Variants in LMAN1L observed in about 807,000 individuals in gnomAD.
LMAN1L encodes protein ERGIC-53-like.
In LMAN1L, 60 loss-of-function variants were observed where a neutral mutation model predicts 58.3. The ratio of observed to expected loss-of-function variants is 1.03; its 90% CI spans 0.84 to 1.27. The LOEUF is 1.27. LMAN1L is among the 50% of genes most tolerant of loss of function. The probability of loss-of-function intolerance (pLI) is 0.00; values close to 1 mark genes in which losing one functional copy is unlikely to be tolerated. For synonymous variants in LMAN1L, 280 were observed against 271.6 expected, an observed-to-expected ratio of 1.03 and a Z score of -0.31; for missense variants, 629 against 674.0, an observed-to-expected ratio of 0.93 and a Z score of 0.74.
rs1392076132 is a variant in LMAN1L at position 74,823,650 on chromosome 15, G to T, written c.1291G>T (p.Gly431Cys). ...TTTCTTAGAGCTGGACCACATCCTG[G>T]GCCTCCTGCAGGAGGAGCTTCGGGG... ...HHFLELDHIL[G>C]LLQEELRGPA... Residue 431 changes from glycine to cysteine, a missense_variant, in exon 12 of 14, where the codon GGC becomes TGC. This residue lies in a region of LMAN1L where 573 missense variants were observed against 597.3 expected (regional missense o/e 0.96). Transcript: ENST00000309664. 2 of 1,613,642 alleles carry T rather than the reference G, an allele frequency of 1.2e-6. No individual in the cohort carries two copies. Among genetic ancestry groups the T allele is most frequent in the Non-Finnish European group, 8.5e-7 (1 of 1,179,844 alleles).
At chr15:74,813,075 G>A in intron 1 of LMAN1L, 46 bp downstream of exon 1, 1 of 1,565,642 alleles carries the variant, frequency 6.4e-7, no homozygotes, top group Non-Finnish European at 8.7e-7. Context: ...GTCCCTCAAA[G>A]TGCTGGAGGG....
chr15:74,823,485 G>A (rs2063926410), intron 11 of LMAN1L, 74 bp from the exon 12 acceptor site: 17 of 1,554,614 alleles, frequency 1.1e-5, no homozygotes, highest in Non-Finnish European at 1.3e-5. Flanking sequence ...TGGGGAGATG[G>A]GAAATGATTA....
rs766582098 is a variant in LMAN1L at position 74,816,501 on chromosome 15, G to A, written c.405G>A (p.Gly135=). 1 of 1,551,588 alleles carries A rather than the reference G, an allele frequency of 6.4e-7. No individual in the cohort carries two copies. The highest frequency in any genetic ancestry group is 8.7e-7 in the Non-Finnish European group (1 of 1,144,854). The part of the protein sequence containing the change: ...LGGLASWDGI[G]IFFDSPAEDT... ...GGCTGGCTTCGTGGGACGGCATCGG[G>A]ATCTTCTTTGACTCTCCGGCAGAGG... The change falls in exon 3 of 14, where the codon GGG becomes GGA. Residue 135 remains glycine, a synonymous_variant. Coordinates refer to ENST00000309664, the MANE Select transcript of LMAN1L (RefSeq NM_021819.3).
At chr15:74,821,020 G>A in intron 8 of LMAN1L, 55 bp from the exon 9 acceptor site, 1 of 1,503,102 alleles carries the variant, frequency 6.7e-7, no homozygotes, top group Non-Finnish European at 8.9e-7. Context: ...GATAAGATAG[G>A]CTGTGTTACC....
rs763983603 is a variant in LMAN1L, at chr15:74,816,169, G to A, written c.188G>A (p.Gly63Asp). 5.8e-6 allele frequency: 9 copies of A among 1,550,420 alleles called. No homozygotes were observed. In the South Asian group the frequency reaches 9.5e-5, roughly 16 times the overall value. The change falls in exon 2 of 14, where the codon GGC becomes GAC. Residue 63 changes from glycine to aspartate, a missense_variant. Gly to Asp is a moderately conservative substitution (Grantham distance 94). Around this residue, in one of 3 missense-constraint regions of LMAN1L, gnomAD observed 573 missense variants for 597.3 expected, o/e 0.96. Transcript: ENST00000309664. ...FWSHHGDAIL[G>D]LEEVRLTPSM... is the part of the protein sequence containing the mutation. ...CCCTTGTCCACAGACGCCATCCTGGGCCTGGAGGAAGTGCGGCTGACGCCA... is the reference window on the plus strand; with the variant it reads ...CCCTTGTCCACAGACGCCATCCTGGACCTGGAGGAAGTGCGGCTGACGCCA...
At position 74,820,784 on chromosome 15, in the gene LMAN1L, C is replaced by A; in HGVS notation, c.907+17C>A. On this transcript the variant is annotated intron_variant, in intron 8 of 13. Transcript: ENST00000309664. ...AAGGAGAAGGTAGGGACCGAGAGAG[C>A]GGGCAGGTGGCGCCCATCTGAGTGT... 6.2e-7 allele frequency: 1 copy of A among 1,602,224 alleles called. No homozygotes were observed. The highest frequency in any genetic ancestry group is 8.5e-7 in the Non-Finnish European group (1 of 1,173,750).
At chr15:74,824,225 TG>T in intron 12 of LMAN1L, 125 bp from the exon 13 acceptor site, 1 of 879,306 alleles carries the variant, frequency 1.1e-6, no homozygotes, top group Non-Finnish European at 1.8e-6. Flanking sequence ...CCAAGTTCCC[TG>T]GATGAGAGCC....
rs779837492 is a variant in LMAN1L, at chr15:74,818,866, T to TA, written c.597+50dup. 14 of 1,489,220 alleles carry TA rather than the reference T, an allele frequency of 9.4e-6. No individual in the cohort carries two copies. In the South Asian group the frequency reaches 1.7e-4, roughly 18 times the overall value. 92.3% of individuals were successfully genotyped at this position (1,489,220 alleles called of 1,614,324 possible). A position where few individuals can be genotyped will look rare whatever the true frequency, so the allele number is the denominator to read the frequency against. ...ACAGGGCTCTGAGTTACAGAGCTGC[T>TA]ATGTGTGCGTGCCCACGGCCCCAAC... On this transcript the variant is annotated intron_variant, in intron 5 of 13. Coordinates refer to ENST00000309664, the MANE Select transcript of LMAN1L (RefSeq NM_021819.3).
At chr15:74,816,047 C>A in intron 1 of LMAN1L, 110 bp from the exon 2 acceptor site, 3 of 1,323,492 alleles carry the variant, frequency 2.3e-6, no homozygotes, top group Non-Finnish European at 3.1e-6. Flanking sequence ...TAATGGTAGG[C>A]CTTGGCATTG....
chr15:74,813,071 C>T, intron 1 of LMAN1L, 42 bp downstream of exon 1: 2 of 1,578,180 alleles, frequency 1.3e-6, no homozygotes, highest in Non-Finnish European at 1.7e-6. Flanking sequence ...CAGGGTCCCT[C>T]AAAGTGCTGG....
intron 4 of LMAN1L, among the ~76,000 whole-genome samples, chr15:74,817,939 G>A (rs1204611131): frequency 6.6e-6 from 1 of 151,732 alleles, no homozygotes; most frequent in Non-Finnish European, 1.5e-5. Flanking sequence ...CTTGAACCCA[G>A]GAGGCAAAGG....
At position 74,824,369 on chromosome 15, in the gene LMAN1L, C is replaced by T. The variant is rs1940996683; in HGVS notation, c.1342C>T (p.Pro448Ser). Residue 448 changes from proline to serine, a missense_variant, in exon 13 of 14, where the codon CCC becomes TCC. Coordinates refer to ENST00000309664, the MANE Select transcript of LMAN1L (RefSeq NM_021819.3). ...CTTTCAGAAGGCAGCAGCCAAGGCC[C>T]CCCGCCCACCTGGCCAGCCCCCAAG... ...RGPAKAAAKA[P>S]RPPGQPPRAS... The T allele has an allele frequency of 1.9e-6, 3 of 1,613,972 alleles. No homozygotes were observed. Among genetic ancestry groups the T allele is most frequent in the Non-Finnish European group, 2.5e-6 (3 of 1,179,908 alleles).
Position 74,821,849 on chromosome 15 carries a change from G to C in LMAN1L, c.1080G>C (p.Gln360His). The C allele has an allele frequency of 6.2e-7, 1 of 1,613,190 alleles. No individual in the cohort carries two copies. The highest frequency in any genetic ancestry group is 1.3e-5 in the African/African-American group (1 of 75,006). ...DGGWALDASC[Q>H]IPSTPGRGGH... ...CCCAGGCCCTGGATGCTTCCTGCCA[G>C]ATTCCATCCACCCCAGGGAGGGGTG... Residue 360 changes from glutamine to histidine, a missense_variant, in exon 10 of 14, where the codon CAG (glutamine) becomes CAC (histidine). Transcript: ENST00000309664.
intron 7 of LMAN1L, 97 bp from the exon 8 acceptor site, chr15:74,820,538 A>G: frequency 6.6e-7 from 1 of 1,511,958 alleles, no homozygotes; most frequent in Admixed American, 1.7e-5. Flanking sequence ...CTGGCCAGGG[A>G]GGAAGGCTGG....
At position 74,825,543 on chromosome 15, in the gene LMAN1L, C is replaced by T. The variant is rs1230910114; in HGVS notation, c.1519C>T (p.His507Tyr). The T allele has an allele frequency of 6.2e-7, 1 of 1,613,610 alleles. No homozygotes were observed. Among genetic ancestry groups the T allele is most frequent in the African/African-American group, 1.3e-5 (1 of 74,892 alleles). ...TGSLPLGPAP[H>Y]TPRALGILRR... ...CAGCCTTCCTCTGGGTCCTGCACCA[C>T]ACACCCCCAGGGCCCTGGGGATTCT... Residue 507 changes from histidine to tyrosine, a missense_variant, in exon 14 of 14, where the codon CAC becomes TAC. Transcript: ENST00000309664.
chr15:74,825,606 C>G lies in LMAN1L; in HGVS notation c.*1C>G, dbSNP rs762214360. On this transcript the variant is annotated 3_prime_UTR_variant, in exon 14 of 14. Coordinates refer to ENST00000309664, the MANE Select transcript of LMAN1L (RefSeq NM_021819.3). ...TCTCCCTGCCAGCATGCCTGCCTGACCCACCTCAGAGCCTGCTTTGCATCA... is the reference window on the plus strand; with the variant it reads ...TCTCCCTGCCAGCATGCCTGCCTGAGCCACCTCAGAGCCTGCTTTGCATCA... 1 of 1,609,378 alleles carries G rather than the reference C, an allele frequency of 6.2e-7. No homozygotes were observed. Among genetic ancestry groups the G allele is most frequent in the Non-Finnish European group, 8.5e-7 (1 of 1,177,312 alleles).
In LMAN1L at chr15:74,819,277, G is replaced by A. The variant is rs757406895; in HGVS notation, c.718+5G>A. 6.2e-7 allele frequency: 1 copy of A among 1,613,946 alleles called. No individual in the cohort carries two copies. Among genetic ancestry groups the A allele is most frequent in the Non-Finnish European group, 8.5e-7 (1 of 1,179,888 alleles). ...CAGCCACCGGCACCCTGGCAGGTGA[G>A]GATCCCACTGGACAGGTAAGAGCAG... On this transcript the variant is annotated splice_donor_5th_base_variant and intron_variant, in intron 6 of 13. Transcript: ENST00000309664.
At position 74,818,551 on chromosome 15, in the gene LMAN1L, G is replaced by A. The variant is rs539105610; in HGVS notation, c.498-167G>A. On this transcript the variant is annotated intron_variant, in intron 4 of 13. Coordinates refer to ENST00000309664, the MANE Select transcript of LMAN1L (RefSeq NM_021819.3). ...TCTGCTAAAAATACAAAAATTAGCC[G>A]GGCATGGTGGTGCATGCCTGTAGTC... Among the ~76,000 whole-genome samples the A allele has an allele frequency of 5.7e-4, 87 of 152,240 alleles. 1 individual carries two copies. Among genetic ancestry groups the A allele is most frequent in the African/African-American group, 9.2e-4 (38 of 41,522 alleles).
At chr15:74,819,663 TGAG>T (rs2063908041) in intron 6 of LMAN1L, 1 of 467,790 alleles carries the variant, frequency 2.1e-6, no homozygotes, top group South Asian at 3.2e-5. Flanking sequence ...GTCTGGTTTC[TGAG>T]GAGGAGAGTG....
Sources: allele counts gnomAD v4.1 joint callset (sites outside exome capture counted in the v4.1 genomes callset), GRCh38; gene constraint gnomAD v4.1.1; regional missense constraint gnomAD v4.1.1; transcripts MANE v1.5; gene names NCBI Gene and HGNC (gene_info 2026-07-23, HGNC 2026-07-21).